The following CTNNA2 variants were observed in gnomAD, a reference collection of about 807,000 sequenced individuals.
CTNNA2 encodes the protein catenin alpha-2.
In CTNNA2, 42 loss-of-function variants were observed where a neutral mutation model predicts 101.0. The observed-to-expected ratio is 0.42, with a 90% CI of 0.32 to 0.54. CTNNA2 has a LOEUF of 0.54. Ranked by LOEUF, CTNNA2 falls within the 20% of genes least tolerant of loss-of-function variation. The pLI is 0.14. For synonymous variants in CTNNA2, 450 were observed against 456.4 expected, an observed-to-expected ratio of 0.99 and a Z score of 0.18; for missense variants, 871 against 1,223.1, an observed-to-expected ratio of 0.71 and a Z score of 4.29.
intron 7 of CTNNA2, among the ~76,000 whole-genome samples, chr2:80,027,717 A>G (rs1017948896): frequency 2.4e-4 from 36 of 152,152 alleles, no homozygotes; most frequent in African/African-American, 8.0e-4. Context: ...CTGTAATCCC[A>G]GCACTTTGGG....
upstream of CTNNA2, among the ~76,000 whole-genome samples, chr2:79,508,222 A>G (rs774554128): frequency 2.0e-5 from 3 of 152,178 alleles, no homozygotes; most frequent in African/African-American, 4.8e-5. Context: ...AGCCTCATAT[A>G]TACACACCTT....
In CTNNA2 at chr2:80,332,920, T is replaced by C. The variant is rs572350466; in HGVS notation, c.1057-60291T>C. Among the ~76,000 whole-genome samples the C allele has an allele frequency of 3.5e-4, 53 of 152,322 alleles. 1 individual carries two copies. Among genetic ancestry groups the C allele is most frequent in the African/African-American group, 1.2e-3 (50 of 41,584 alleles). ...ATAAGAATGAGTTTATGTTTTTAAATGGCTGGAAATAAACCAAAAGAAGAA... is the reference window on the plus strand; with the variant it reads ...ATAAGAATGAGTTTATGTTTTTAAACGGCTGGAAATAAACCAAAAGAAGAA... On this transcript the variant is annotated intron_variant, in intron 7 of 18. Coordinates refer to ENST00000402739, the MANE Select transcript of CTNNA2 (RefSeq NM_001282597.3).
intron 3 of CTNNA2, among the ~76,000 whole-genome samples, chr2:79,345,613 A>G (rs929701974): frequency 3.3e-5 from 5 of 152,102 alleles, no homozygotes; most frequent in Non-Finnish European, 7.4e-5. Flanking sequence ...AAGCTTAATC[A>G]TTTGTTCTGA....
At chr2:80,284,503 A>C (rs1057159883) in intron 7 of CTNNA2, among the ~76,000 whole-genome samples, 3 of 152,040 alleles carry the variant, frequency 2.0e-5, no homozygotes, top group Non-Finnish European at 2.9e-5. Flanking sequence ...TTTCCTCTTC[A>C]GTGCTCTTAA....
intron 6 of CTNNA2, among the ~76,000 whole-genome samples, chr2:79,900,909 G>A (rs1349672617): frequency 6.6e-6 from 1 of 152,056 alleles, no homozygotes; most frequent in Non-Finnish European, 1.5e-5. Context: ...AATATCCTGT[G>A]TACCCCATAA....
At chr2:79,234,024 G>T (rs927141759) in intron 2 of CTNNA2, among the ~76,000 whole-genome samples, 2 of 149,388 alleles carry the variant, frequency 1.3e-5, no homozygotes, top group African/African-American at 5.0e-5. Flanking sequence ...TTTAAGTGGG[G>T]TGCTTAGATT....
rs548336390 is a variant in CTNNA2 at position 79,871,746 on chromosome 2, C to T, written c.585+1811C>T. 7.2e-5 allele frequency among the ~76,000 whole-genome samples: 11 copies of T among 152,242 alleles called. No individual in the cohort carries two copies. In the East Asian group the frequency reaches 2.1e-3, roughly 29 times the overall value. On this transcript the variant is annotated intron_variant, in intron 5 of 18. Transcript: ENST00000402739. ...ATACCCCTCAATCCAGTCAAGTTGACACCTAAAATAACCAACACAGATGTG... is the reference window on the plus strand; with the variant it reads ...ATACCCCTCAATCCAGTCAAGTTGATACCTAAAATAACCAACACAGATGTG...
At chr2:79,336,001 A>G (rs1676986313) in intron 3 of CTNNA2, among the ~76,000 whole-genome samples, 1 of 152,224 alleles carries the variant, frequency 6.6e-6, no homozygotes. Flanking sequence ...CAAGTAAGAA[A>G]TACTGCAATA....
At chr2:80,041,445 G>C (rs1056597455) in intron 7 of CTNNA2, among the ~76,000 whole-genome samples, 1 of 152,066 alleles carries the variant, frequency 6.6e-6, no homozygotes, top group Admixed American at 6.6e-5. Flanking sequence ...AGACTGGGAT[G>C]GGGGGTACAG....
rs1491073343 is a variant in CTNNA2, at chr2:79,982,256, A to ATG, written c.1056+72459_1056+72460insTG. On this transcript the variant is annotated intron_variant, in intron 7 of 18. Coordinates refer to ENST00000402739, the MANE Select transcript of CTNNA2 (RefSeq NM_001282597.3). ...TATATATATATGTATGTATATGTAC[A>ATG]CACACACATAACATATATATAATAT... 3.9e-4 allele frequency among the ~76,000 whole-genome samples: 31 copies of ATG among 80,464 alleles called. 1 individual carries two copies. In the East Asian group the frequency reaches 7.2e-3, roughly 19 times the overall value. 52.8% of individuals were successfully genotyped at this position (80,464 alleles called of 152,430 possible).
At position 80,375,810 on chromosome 2, in the gene CTNNA2, G is replaced by A. The variant is rs1434871049; in HGVS notation, c.1057-17401G>A. ...GATCTCCTGACCTCATGATTCACCC[G>A]CCTCGGCCTCCCAAAGTGCTGGGAT... is the stretch of plus-strand genomic sequence containing the variant. On this transcript the variant is annotated intron_variant, in intron 7 of 18. Coordinates refer to ENST00000402739, the MANE Select transcript of CTNNA2 (RefSeq NM_001282597.3). Among the ~76,000 whole-genome samples, 7 of 151,462 alleles carry A rather than the reference G, an allele frequency of 4.6e-5. 1 individual carries two copies. Among genetic ancestry groups the A allele is most frequent in the Admixed American group, 2.6e-4 (4 of 15,196 alleles).
chr2:79,678,763 T>A (rs149361572), intron 2 of CTNNA2, among the ~76,000 whole-genome samples: 1 of 152,280 alleles, frequency 6.6e-6, no homozygotes, highest in East Asian at 1.9e-4. Flanking sequence ...GCCTCAGTGA[T>A]CTTGGAGTCT....
chr2:79,656,150 C>T (rs1333535109), intron 2 of CTNNA2, among the ~76,000 whole-genome samples: 1 of 152,020 alleles, frequency 6.6e-6, no homozygotes, highest in Admixed American at 6.6e-5. Flanking sequence ...ATATTACTTC[C>T]CTACAATACA....
At position 80,145,990 on chromosome 2, in the gene CTNNA2, G is replaced by A. The variant is rs957987070; in HGVS notation, c.1056+236193G>A. Among the ~76,000 whole-genome samples, 3 of 152,188 alleles carry A rather than the reference G, an allele frequency of 2.0e-5. No homozygotes were observed. In the East Asian group the frequency reaches 5.8e-4, roughly 29 times the overall value. On this transcript the variant is annotated intron_variant, in intron 7 of 18. Coordinates refer to ENST00000402739, the MANE Select transcript of CTNNA2 (RefSeq NM_001282597.3). ...CTTTGACCCATAGAATGTGGCAGGA[G>A]TATACTCTGTAACTTCCATGGCCAT...
intron 1 of CTNNA2, among the ~76,000 whole-genome samples, chr2:79,588,175 G>A (rs1676617454): frequency 6.6e-6 from 1 of 152,114 alleles, no homozygotes; most frequent in South Asian, 2.1e-4. Context: ...GAGTTTTAAG[G>A]GTCTTGAGTA....
chr2:80,495,156 C>A (rs909759860), intron 9 of CTNNA2, among the ~76,000 whole-genome samples: 1 of 152,222 alleles, frequency 6.6e-6, no homozygotes, highest in Admixed American at 6.5e-5. Flanking sequence ...TAGTTAATAA[C>A]CTCAAAATTC....
At position 79,874,285 on chromosome 2, in the gene CTNNA2, C is replaced by T. The variant is rs202127694; in HGVS notation, c.795C>T (p.Asp265=). 9.1e-5 allele frequency: 147 copies of T among 1,614,028 alleles called. No homozygotes were observed. Among genetic ancestry groups the T allele is most frequent in the South Asian group, 3.2e-4 (29 of 91,074 alleles). The part of the protein sequence containing the change: ...SNAAQATSPT[D]EAKGHTGIGE... Reference sequence around the variant, plus strand: ...CTGCTCAAGCTACCTCGCCCACTGACGAAGCCAAGGGCCACACGGGCATCG... The same window carrying T: ...CTGCTCAAGCTACCTCGCCCACTGATGAAGCCAAGGGCCACACGGGCATCG... Residue 265 remains aspartate (D), a synonymous_variant, in exon 6 of 19, where the codon GAC becomes GAT. Transcript: ENST00000402739.
At chr2:79,704,887 AAT>A (rs1312445906) in intron 2 of CTNNA2, among the ~76,000 whole-genome samples, 1 of 151,948 alleles carries the variant, frequency 6.6e-6, no homozygotes, top group African/African-American at 2.4e-5. Context: ...ACATTTCTAC[AAT>A]GAGTGCTATT....
At chr2:79,404,178 C>T (rs1301911558) in intron 4 of CTNNA2, among the ~76,000 whole-genome samples, 1 of 151,172 alleles carries the variant, frequency 6.6e-6, no homozygotes, top group Non-Finnish European at 1.5e-5. Context: ...ACATTGGTAA[C>T]ACCAAAAGCA....
Sources: gnomAD v4.1 joint callset for allele counts (sites outside exome capture counted in the v4.1 genomes callset) on GRCh38, gnomAD v4.1.1 for gene constraint, MANE v1.5 for transcripts, NCBI Gene and HGNC (gene_info 2026-07-23, HGNC 2026-07-21) for gene names.